ROBO1: variants seen among roughly 807,000 people sequenced by gnomAD.
ROBO1 encodes the protein roundabout homolog 1.
A neutral mutation model predicts 195.9 loss-of-function variants in ROBO1; 149 were observed. The observed-to-expected ratio is 0.76, with a 90% CI of 0.67 to 0.87. ROBO1 has a LOEUF of 0.87. Ranked by LOEUF, ROBO1 falls within the 40% of genes least tolerant of loss-of-function variation. The pLI, the probability that ROBO1 is intolerant of heterozygous loss-of-function variation, is 0.00. For synonymous variants in ROBO1, 816 were observed against 733.2 expected (o/e 1.11, Z -1.82); for missense variants, 1,933 against 2,068.3 (o/e 0.93, Z 1.27).
intron 2 of ROBO1, among the ~76,000 whole-genome samples, chr3:79,161,540 A>G (rs1263598655): frequency 6.6e-6 from 1 of 152,170 alleles, no homozygotes; most frequent in Admixed American, 6.5e-5. Context: ...TTTGAAAAAA[A>G]GAAATGTCAT....
At chr3:78,831,157 C>T (rs550680694) in intron 4 of ROBO1, among the ~76,000 whole-genome samples, 54 of 152,102 alleles carry the variant, frequency 3.6e-4, no homozygotes, top group African/African-American at 6.5e-4. Context: ...GTGATCCACC[C>T]GCCTCAGCCT....
At chr3:79,151,488 T>A (rs554601124) in intron 2 of ROBO1, among the ~76,000 whole-genome samples, 81 of 151,616 alleles carry the variant, frequency 5.3e-4, no homozygotes, top group Non-Finnish European at 6.6e-4. Context: ...GTCTCTCACC[T>A]GGACCATGTC....
chr3:79,034,148 GT>G (rs1315243092), intron 3 of ROBO1, among the ~76,000 whole-genome samples: 9 of 152,064 alleles, frequency 5.9e-5, no homozygotes, highest in Admixed American at 5.9e-4. Flanking sequence ...AGAGGAAAAA[GT>G]TTCATCCTAG....
In ROBO1 at chr3:79,087,313, T is replaced by C. The variant is rs533444843; in HGVS notation, c.172+38143A>G. On this transcript the variant is annotated intron_variant, in intron 3 of 30. Coordinates refer to ENST00000464233, the MANE Select transcript of ROBO1 (RefSeq NM_002941.4). ...ATAAACCTAAAGTGCATCGACTTAA[T>C]ATAAATAGCACTGTTTCTAGATTAT... is the stretch of plus-strand genomic sequence containing the variant. 2.0e-5 allele frequency among the ~76,000 whole-genome samples: 3 copies of C among 152,258 alleles called. No individual in the cohort carries two copies. The South Asian group carries it at 6.2e-4, about 32-fold the overall frequency.
chr3:78,783,927 A>T (rs2083755346), intron 4 of ROBO1, among the ~76,000 whole-genome samples: 1 of 152,184 alleles, frequency 6.6e-6, no homozygotes, highest in Admixed American at 6.6e-5. Context: ...AATGTAGTGA[A>T]ACTTGAGAAA....
rs1007241533 is a variant in ROBO1 at position 78,651,746 on chromosome 3, G to C, written c.2798C>G (p.Ala933Gly). ...KKRNGLTSTY[A>G]GIRKVPSFTF... ...AAAGCTAATACCTTTTCTGATACCC[G>C]CGTAGGTACTAGTAAGTCCGTTTCT... Residue 933 changes from alanine to glycine, a missense_variant, in exon 19 of 31, where the codon GCG (alanine) becomes GGG (glycine). Around this residue, in one of 3 missense-constraint regions of ROBO1, gnomAD observed 1,737 missense variants for 1,882.5 expected, o/e 0.92. Transcript: ENST00000464233. 6.2e-7 allele frequency: 1 copy of C among 1,606,694 alleles called. No homozygotes were observed.
At chr3:78,683,106 A>G (rs2080968022) in intron 10 of ROBO1, among the ~76,000 whole-genome samples, 1 of 149,872 alleles carries the variant, frequency 6.7e-6, no homozygotes, top group South Asian at 2.1e-4. Context: ...ACCAGATACA[A>G]TGTTGGCTAG....
intron 19 of ROBO1, among the ~76,000 whole-genome samples, chr3:78,648,887 C>T (rs1395785): frequency 0.22 from 33,122 of 151,900 alleles, 3,785 homozygotes; most frequent in Middle Eastern, 0.26. Flanking sequence ...AACCGAAACG[C>T]TATAGCGTCC....
intron 1 of ROBO1, among the ~76,000 whole-genome samples, chr3:79,692,869 A>C (rs1351434179): frequency 6.6e-6 from 1 of 151,844 alleles, no homozygotes; most frequent in African/African-American, 2.4e-5. Context: ...ATACATAATG[A>C]GTTATCTTGG....
At position 79,741,396 on chromosome 3, in the gene ROBO1, T is replaced by C. The variant is rs868397519; in HGVS notation, c.-51+26356A>G. Among the ~76,000 whole-genome samples, 14 of 152,336 alleles carry C rather than the reference T, an allele frequency of 9.2e-5. No homozygotes were observed. The South Asian group carries it at 2.9e-3, about 32-fold the overall frequency. On this transcript the variant is annotated intron_variant, in intron 1 of 30. Transcript: ENST00000464233. ...ATATCTTTGTTTCAGATTTGACTTT[T>C]TTTTTTAGCTTTGATCCCAAACCAA...
chr3:78,898,824 T>TGGGG (rs1469646841), intron 4 of ROBO1, among the ~76,000 whole-genome samples: 1 of 152,186 alleles, frequency 6.6e-6, no homozygotes, highest in Non-Finnish European at 1.5e-5. Flanking sequence ...TGTGTATATA[T>TGGGG]ATGTAAAGTG....
At chr3:79,212,435 G>C (rs1367981442) in intron 2 of ROBO1, among the ~76,000 whole-genome samples, 1 of 152,200 alleles carries the variant, frequency 6.6e-6, no homozygotes. Flanking sequence ...TATCCTTAGG[G>C]AGCAATTTGA....
intron 4 of ROBO1, among the ~76,000 whole-genome samples, chr3:78,789,224 G>A (rs1363622667): frequency 6.6e-6 from 1 of 152,128 alleles, no homozygotes; most frequent in East Asian, 1.9e-4. Flanking sequence ...ATAAAAGTAA[G>A]ATTATCACTT....
chr3:78,949,420 C>T (rs2040646119), intron 3 of ROBO1, among the ~76,000 whole-genome samples: 1 of 148,938 alleles, frequency 6.7e-6, no homozygotes, highest in East Asian at 2.0e-4. Context: ...AAAGGATTCC[C>T]TATTTAATAA....
At chr3:78,962,953 T>C (rs1576476395) in intron 3 of ROBO1, among the ~76,000 whole-genome samples, 2 of 152,040 alleles carry the variant, frequency 1.3e-5, no homozygotes, top group African/African-American at 4.8e-5. Flanking sequence ...CAAGTTATTT[T>C]CTGCTGGGAA....
intron 4 of ROBO1, among the ~76,000 whole-genome samples, chr3:78,780,457 T>TA (rs2083642326): frequency 1.3e-5 from 2 of 150,502 alleles, no homozygotes; most frequent in Non-Finnish European, 3.0e-5. Context: ...TATTTCTAGA[T>TA]TTTTTTTTTC....
chr3:79,528,202 C>T (rs1941513616), intron 2 of ROBO1, among the ~76,000 whole-genome samples: 1 of 152,098 alleles, frequency 6.6e-6, no homozygotes, highest in South Asian at 2.1e-4. Flanking sequence ...TAGCAAAAAT[C>T]AATTATGTGA....
At chr3:78,708,548 C>A (rs1173662968) in intron 8 of ROBO1, among the ~76,000 whole-genome samples, 1 of 151,892 alleles carries the variant, frequency 6.6e-6, no homozygotes, top group Non-Finnish European at 1.5e-5. Context: ...TAAGAAGAAC[C>A]TGAAGGCCCA....
intron 3 of ROBO1, among the ~76,000 whole-genome samples, chr3:79,080,156 G>T (rs965681454): frequency 6.6e-6 from 1 of 151,480 alleles, no homozygotes; most frequent in Non-Finnish European, 1.5e-5. Flanking sequence ...TTCTTGATAT[G>T]CATTATACAT....
Sources: gnomAD v4.1 joint callset for allele counts (sites outside exome capture counted in the v4.1 genomes callset) on GRCh38, gnomAD v4.1.1 for gene constraint, gnomAD v4.1.1 regional missense constraint, MANE v1.5 for transcripts, NCBI Gene and HGNC (gene_info 2026-07-23, HGNC 2026-07-21) for gene names.